AKR1C2: variants seen among roughly 807,000 people sequenced by gnomAD.
AKR1C2 encodes 3-alpha-HSD3.
AKR1C2 carries 27 observed loss-of-function variants against 39.8 expected under a neutral mutation model. The observed-to-expected ratio is 0.68, with a 90% CI of 0.50 to 0.93. The LOEUF is 0.93. AKR1C2 is among the 40% of genes least tolerant of loss of function. AKR1C2 has a pLI of 0.00. For missense variants in AKR1C2, 263 were observed against 365.1 expected (o/e 0.72, Z 2.28); for synonymous variants, 114 against 137.9 (o/e 0.83, Z 1.22).
chr10:4,988,522 A>C lies in AKR1C2; in HGVS notation c.*1474T>G, dbSNP rs1263626700. On this transcript the variant is annotated 3_prime_UTR_variant, in exon 9 of 9. Coordinates refer to ENST00000380753, the MANE Select transcript of AKR1C2 (RefSeq NM_001393392.1). The stretch of plus-strand genomic sequence containing the variant: ...AGAGTAGACCAGAAATAATCCAAAA[A>C]ATTGGTCTAGGGCCCTCCAAAGTTT... 1.3e-5 allele frequency: 2 copies of C among 152,224 alleles called. No homozygotes were observed. Among genetic ancestry groups the C allele is most frequent in the Admixed American group, 1.3e-4 (2 of 15,282 alleles). The allele number at this position is 152,224 out of a possible 1,614,324, so 9.4% of individuals were successfully genotyped here.
intron 7 of AKR1C2, among the ~76,000 whole-genome samples, chr10:4,994,071 AATG>A (rs1836935503): frequency 6.6e-6 from 1 of 151,524 alleles, no homozygotes; most frequent in Non-Finnish European, 1.5e-5. Flanking sequence ...TATTTTACTT[AATG>A]TTTTAGTAAA....
chr10:5,015,289 CT>C (rs1281576461), intron 1 of AKR1C2: 5 of 152,190 alleles, frequency 3.3e-5, no homozygotes, highest in African/African-American at 1.2e-4. Flanking sequence ...AAATTATTTT[CT>C]TTCTTTTCTA....
intron 1 of AKR1C2, 103 bp from the exon 2 acceptor site, chr10:5,001,784 G>T: frequency 6.9e-7 from 1 of 1,455,872 alleles, no homozygotes; most frequent in South Asian, 1.2e-5. Context: ...CTCCTTTCTT[G>T]GATGAGCTCT....
chr10:4,990,436 T>G (rs1554772052), intron 8 of AKR1C2, among the ~76,000 whole-genome samples: 1 of 152,238 alleles, frequency 6.6e-6, no homozygotes, highest in East Asian at 1.9e-4. Context: ...TGCTCATCAC[T>G]AATAAACAAT....
intron 1 of AKR1C2, among the ~76,000 whole-genome samples, chr10:5,002,581 G>C (rs1837306027): frequency 6.6e-6 from 1 of 152,168 alleles, no homozygotes; most frequent in South Asian, 2.1e-4. Context: ...AGGCAACTCT[G>C]TCAGGAAACA....
At chr10:4,994,291 A>C (rs1446570737) in intron 7 of AKR1C2, among the ~76,000 whole-genome samples, 3 of 152,158 alleles carry the variant, frequency 2.0e-5, no homozygotes, top group Non-Finnish European at 4.4e-5. Flanking sequence ...ATATTCATAC[A>C]TATAACTATT....
rs1417441742 is a variant in AKR1C2, at chr10:4,988,849, A to T, written c.*1147T>A. 2 of 151,840 alleles carry T rather than the reference A, an allele frequency of 1.3e-5. No homozygotes were observed. Among genetic ancestry groups the T allele is most frequent in the Non-Finnish European group, 2.9e-5 (2 of 67,946 alleles). The allele number at this position is 151,840 out of a possible 1,614,324, so 9.4% of individuals were successfully genotyped here. On this transcript the variant is annotated 3_prime_UTR_variant, in exon 9 of 9. Transcript: ENST00000380753. Reference sequence around the variant, plus strand: ...TTAGCTGATTTGATTAGTTCCCCTGAAAATTATGTATAAGAATTAAATGCC... The same window carrying T: ...TTAGCTGATTTGATTAGTTCCCCTGTAAATTATGTATAAGAATTAAATGCC...
intron 1 of AKR1C2, chr10:5,013,282 T>C (rs1455595169): frequency 6.6e-6 from 1 of 152,234 alleles, no homozygotes; most frequent in Non-Finnish European, 1.5e-5. Flanking sequence ...TTATCTAATA[T>C]TTATGAAACG....
At chr10:4,991,196 T>C (rs1220718495) in intron 8 of AKR1C2, among the ~76,000 whole-genome samples, 1 of 151,446 alleles carries the variant, frequency 6.6e-6, no homozygotes, top group Admixed American at 6.6e-5. Context: ...TTCTCTACAC[T>C]GAGATCTCCA....
At chr10:5,012,212 A>T (rs1837538417) in intron 1 of AKR1C2, among the ~76,000 whole-genome samples, 6 of 151,902 alleles carry the variant, frequency 3.9e-5, no homozygotes. Context: ...AGTACTTTCT[A>T]TTAGCAAGGC....
At chr10:5,017,424 T>C (rs1483645951) in intron 1 of AKR1C2, among the ~76,000 whole-genome samples, 2 of 152,142 alleles carry the variant, frequency 1.3e-5, no homozygotes, top group African/African-American at 4.8e-5. Context: ...CCCTAAATCA[T>C]CTCACTCAAG....
chr10:4,998,303 C>T (rs1308579810), intron 5 of AKR1C2, among the ~76,000 whole-genome samples: 3 of 152,114 alleles, frequency 2.0e-5, no homozygotes, highest in African/African-American at 7.2e-5. Flanking sequence ...CACCTTCACC[C>T]GTCCACTCTC....
intron 3 of AKR1C2, 199 bp from the exon 4 acceptor site, chr10:4,999,476 C>T: frequency 1.0e-6 from 1 of 972,410 alleles, no homozygotes; most frequent in Non-Finnish European, 1.5e-6. Context: ...ATCTCTTACA[C>T]CTATTATATG....
chr10:5,012,058 G>T (rs1937853), intron 1 of AKR1C2, among the ~76,000 whole-genome samples: 73,059 of 151,548 alleles, frequency 0.48, 19,235 homozygotes, highest in Non-Finnish European at 0.6. Context: ...CTGGGAGAAA[G>T]GGTAAACTAA....
At chr10:5,007,776 G>A (rs1837435917), upstream of AKR1C2, among the ~76,000 whole-genome samples, 1 of 151,732 alleles carries the variant, frequency 6.6e-6, no homozygotes, top group East Asian at 1.9e-4. Flanking sequence ...CCGGCTATGA[G>A]CCTGTAAAAT....
chr10:5,015,582 C>A (rs1420357794), intron 1 of AKR1C2, among the ~76,000 whole-genome samples: 5 of 152,138 alleles, frequency 3.3e-5, no homozygotes, highest in African/African-American at 1.2e-4. Context: ...TCAATCCCAC[C>A]CCCAGTGATT....
chr10:5,008,515 G>A (rs1392679410), upstream of AKR1C2, among the ~76,000 whole-genome samples: 51 of 152,142 alleles, frequency 3.4e-4, no homozygotes, highest in African/African-American at 1.2e-3. Flanking sequence ...TCGTGGAGTC[G>A]CTAAGAACTA....
At chr10:5,004,323 A>G (rs1554774200), upstream of AKR1C2, among the ~76,000 whole-genome samples, 4 of 152,356 alleles carry the variant, frequency 2.6e-5, no homozygotes, top group African/African-American at 7.2e-5. Context: ...ATTGCCCTCA[A>G]TTAAAAATTA....
At chr10:5,000,169 T>C (rs1837211794) in intron 3 of AKR1C2, 2 of 1,368,926 alleles carry the variant, frequency 1.5e-6, no homozygotes, top group Non-Finnish European at 1.9e-6. Flanking sequence ...TGGAAACTCA[T>C]TGTGCACCCT....
Sources: allele counts gnomAD v4.1 joint callset (sites outside exome capture counted in the v4.1 genomes callset), GRCh38; gene constraint gnomAD v4.1.1; transcripts MANE v1.5; gene names NCBI Gene and HGNC (gene_info 2026-07-23, HGNC 2026-07-21).